Variants in RBFOX1 observed in about 807,000 individuals in gnomAD.
The protein encoded by RBFOX1 is RNA binding protein fox-1 homolog 1.
Under a neutral mutation model 57.7 loss-of-function variants are expected in RBFOX1, and 8 were observed. The ratio of observed to expected loss-of-function variants is 0.14; its 90% CI spans 0.08 to 0.25. The LOEUF (loss-of-function observed/expected upper bound fraction) is 0.25. RBFOX1 is among the 10% of genes least tolerant of loss of function. The pLI is 1.00. For missense variants in RBFOX1, 611 were observed against 548.5 expected (o/e 1.11, Z -1.14); for synonymous variants, 326 against 222.4 (o/e 1.47, Z -4.15).
intron 2 of RBFOX1, among the ~76,000 whole-genome samples, chr16:6,596,880 A>G (rs1031697733): frequency 2.0e-5 from 3 of 152,196 alleles, no homozygotes; most frequent in Admixed American, 6.5e-5. Context: ...AGAAATAGCT[A>G]AAGATGTAAA....
At chr16:6,624,462 C>A (rs1023583855) in intron 2 of RBFOX1, among the ~76,000 whole-genome samples, 4 of 152,098 alleles carry the variant, frequency 2.6e-5, no homozygotes, top group Non-Finnish European at 4.4e-5. Context: ...AACCACAGCC[C>A]TTCTGAATTT....
chr16:5,390,142 C>A (rs1333107562), intron 1 of RBFOX1, among the ~76,000 whole-genome samples: 2 of 151,988 alleles, frequency 1.3e-5, no homozygotes, highest in Admixed American at 6.5e-5. Flanking sequence ...TGAAGTCGCA[C>A]CCAGGTTAGG....
At chr16:7,571,582 G>A (rs1050552126) in intron 5 of RBFOX1, among the ~76,000 whole-genome samples, 2 of 152,142 alleles carry the variant, frequency 1.3e-5, no homozygotes, top group African/African-American at 2.4e-5. Context: ...TATAACCTGC[G>A]CCGATACCTG....
intron 2 of RBFOX1, among the ~76,000 whole-genome samples, chr16:6,430,721 A>C (rs2094054924): frequency 6.6e-6 from 1 of 152,138 alleles, no homozygotes; most frequent in African/African-American, 2.4e-5. Flanking sequence ...GGCAAGAGGT[A>C]GACAACCACC....
chr16:7,573,634 G>A (rs3826217), intron 5 of RBFOX1, among the ~76,000 whole-genome samples: 9 of 151,884 alleles, frequency 5.9e-5, no homozygotes, highest in Non-Finnish European at 1.3e-4. Context: ...AGGAGTTTGA[G>A]GCCAGCCTGG....
chr16:6,875,204 G>A (rs554520867), intron 3 of RBFOX1, among the ~76,000 whole-genome samples: 14 of 152,248 alleles, frequency 9.2e-5, no homozygotes, highest in African/African-American at 2.9e-4. Flanking sequence ...ATAGTGCTAC[G>A]GTTGATGATG....
chr16:7,457,125 G>A (rs776494238), intron 4 of RBFOX1, among the ~76,000 whole-genome samples: 32 of 151,952 alleles, frequency 2.1e-4, no homozygotes, highest in Admixed American at 1.3e-4. Context: ...GACCTCAGGA[G>A]ATCCGCCTGC....
At chr16:6,447,866 G>A (rs1453159465) in intron 2 of RBFOX1, among the ~76,000 whole-genome samples, 1 of 152,136 alleles carries the variant, frequency 6.6e-6, no homozygotes, top group East Asian at 1.9e-4. Flanking sequence ...CGTCCAATCG[G>A]AGTGAACCTG....
At chr16:5,629,927 A>T (rs938964339) in intron 3 of RBFOX1, among the ~76,000 whole-genome samples, 5 of 152,158 alleles carry the variant, frequency 3.3e-5, no homozygotes, top group Non-Finnish European at 7.3e-5. Flanking sequence ...CAGTTAGCTG[A>T]TGTTGATCAA....
chr16:5,713,189 G>C (rs2051559628), intron 3 of RBFOX1, among the ~76,000 whole-genome samples: 1 of 152,116 alleles, frequency 6.6e-6, no homozygotes, highest in African/African-American at 2.4e-5. Flanking sequence ...CTTTTTATTT[G>C]CTTAAGCCAT....
chr16:5,533,417 G>A (rs1171579748), intron 2 of RBFOX1, among the ~76,000 whole-genome samples: 2 of 152,200 alleles, frequency 1.3e-5, no homozygotes, highest in South Asian at 2.1e-4. Flanking sequence ...TCATCACTGG[G>A]GAAGGGGTGA....
chr16:5,857,106 G>C (rs947109282), intron 3 of RBFOX1, among the ~76,000 whole-genome samples: 3 of 152,080 alleles, frequency 2.0e-5, no homozygotes, highest in Admixed American at 2.0e-4. Flanking sequence ...ACACTTAAAG[G>C]TCATGGTAGG....
At chr16:6,584,964 A>G (rs1248352920) in intron 2 of RBFOX1, among the ~76,000 whole-genome samples, 1 of 152,194 alleles carries the variant, frequency 6.6e-6, no homozygotes, top group Non-Finnish European at 1.5e-5. Context: ...TACTGAAGAT[A>G]AAGGGGAATC....
At position 6,554,430 on chromosome 16, in the gene RBFOX1, TA is replaced by T. The variant is rs144554550; in HGVS notation, c.-63-100164del. Among the ~76,000 whole-genome samples the T allele has an allele frequency of 7.3e-3, 1,105 of 150,984 alleles. 7 individuals are homozygous for T. The highest frequency in any genetic ancestry group is 0.01 in the Non-Finnish European group (687 of 67,696). ...GCACGAGGCTTCCCTCCCGGGGTAA[TA>T]AAAAAAAAGTTCTAAAATTAAATTG... is the stretch of plus-strand genomic sequence containing the variant. On this transcript the variant is annotated intron_variant, in intron 2 of 15. Coordinates refer to ENST00000550418, the MANE Select transcript of RBFOX1 (RefSeq NM_018723.4).
At chr16:7,583,178 G>T (rs2093909120) in intron 6 of RBFOX1, among the ~76,000 whole-genome samples, 1 of 148,750 alleles carries the variant, frequency 6.7e-6, no homozygotes, top group African/African-American at 2.5e-5. Context: ...CATTTGAGAT[G>T]GAACATTCCT....
chr16:5,730,393 C>G (rs967481614), intron 3 of RBFOX1, among the ~76,000 whole-genome samples: 6 of 152,066 alleles, frequency 3.9e-5, no homozygotes, highest in African/African-American at 1.4e-4. Flanking sequence ...CACCGTCTCC[C>G]TGAGAGGGTC....
chr16:6,794,606 A>G (rs13337950), intron 3 of RBFOX1, among the ~76,000 whole-genome samples: 73 of 152,142 alleles, frequency 4.8e-4, no homozygotes, highest in African/African-American at 1.7e-3. Flanking sequence ...ACCTACATAT[A>G]AATCATGGAA....
intron 4 of RBFOX1, among the ~76,000 whole-genome samples, chr16:7,429,248 C>G (rs1312662132): frequency 1.3e-5 from 2 of 152,214 alleles, no homozygotes; most frequent in African/African-American, 4.8e-5. Context: ...CCCTTCCCTG[C>G]TCACCCATCC....
At chr16:7,430,432 C>G (rs1044255118) in intron 4 of RBFOX1, among the ~76,000 whole-genome samples, 2 of 152,114 alleles carry the variant, frequency 1.3e-5, no homozygotes, top group African/African-American at 4.8e-5. Context: ...GAGGCTGAGG[C>G]AGGCAGATCA....
Sources: allele counts gnomAD v4.1 joint callset (sites outside exome capture counted in the v4.1 genomes callset), GRCh38; gene constraint gnomAD v4.1.1; transcripts MANE v1.5; gene names NCBI Gene and HGNC (gene_info 2026-07-23, HGNC 2026-07-21).